DPY19L4: variants seen among roughly 807,000 people sequenced by gnomAD.
DPY19L4 encodes probable C-mannosyltransferase DPY19L4.
A neutral mutation model predicts 102.8 loss-of-function variants in DPY19L4; 97 were observed. The observed-to-expected ratio is 0.94, with a 90% confidence interval of 0.80 to 1.12. The LOEUF (loss-of-function observed/expected upper bound fraction) is 1.12. Ranked by LOEUF, DPY19L4 falls within the 50% of genes most tolerant of loss-of-function variation. DPY19L4 has a pLI of 0.00. For missense variants in DPY19L4, 815 were observed against 850.4 expected, an observed-to-expected ratio of 0.96 and a Z score of 0.52; for synonymous variants, 252 against 283.1, an observed-to-expected ratio of 0.89 and a Z score of 1.10.
chr8:94,720,151 C>G (rs1810393459), intron 1 of DPY19L4, 137 bp downstream of exon 1: 4 of 1,376,850 alleles, frequency 2.9e-6, no homozygotes, highest in East Asian at 3.1e-5. Context: ...CGGGAAGGAG[C>G]GCGGCGCCCA....
intron 6 of DPY19L4, among the ~76,000 whole-genome samples, chr8:94,751,859 A>G (rs1013180022): frequency 6.6e-6 from 1 of 152,168 alleles, no homozygotes; most frequent in Non-Finnish European, 1.5e-5. Flanking sequence ...GTCATACAGC[A>G]TATACTTTTT....
At chr8:94,763,855 G>C (rs908434215) in intron 8 of DPY19L4, among the ~76,000 whole-genome samples, 1 of 152,044 alleles carries the variant, frequency 6.6e-6, no homozygotes, top group African/African-American at 2.4e-5. Context: ...TTTTCACAGA[G>C]ATGGGGTTTT....
intron 7 of DPY19L4, among the ~76,000 whole-genome samples, chr8:94,761,314 CA>C (rs1183375529): frequency 2.0e-5 from 3 of 152,182 alleles, no homozygotes; most frequent in Non-Finnish European, 2.9e-5. Context: ...ATTTTCACAG[CA>C]AAAGGAGTTG....
chr8:94,730,574 C>T (rs1810901595), intron 2 of DPY19L4, among the ~76,000 whole-genome samples: 3 of 151,358 alleles, frequency 2.0e-5, no homozygotes, highest in East Asian at 4.0e-4. Flanking sequence ...GGATAAACTC[C>T]ATCTGTACTC....
intron 10 of DPY19L4, among the ~76,000 whole-genome samples, chr8:94,766,383 A>G (rs934986568): frequency 1.3e-5 from 2 of 152,260 alleles, no homozygotes; most frequent in African/African-American, 4.8e-5. Context: ...CTCAAAAAAA[A>G]AGAAAAAAGA....
chr8:94,782,483 G>A (rs1007266243), intron 16 of DPY19L4, among the ~76,000 whole-genome samples: 10 of 152,024 alleles, frequency 6.6e-5, no homozygotes, highest in Non-Finnish European at 7.4e-5. Flanking sequence ...ATGACCATAG[G>A]GAGAGGAATT....
chr8:94,758,659 T>TAATG (rs1328034026), intron 7 of DPY19L4, among the ~76,000 whole-genome samples: 1 of 152,204 alleles, frequency 6.6e-6, no homozygotes, highest in Non-Finnish European at 1.5e-5. Context: ...CTCAGCCTAA[T>TAATG]AATGCCCTTG....
At chr8:94,766,898 A>C (rs1186726659) in intron 11 of DPY19L4, among the ~76,000 whole-genome samples, 1 of 151,716 alleles carries the variant, frequency 6.6e-6, no homozygotes, top group Non-Finnish European at 1.5e-5. Context: ...ACAACCAAAC[A>C]AACAAACAAA....
intron 3 of DPY19L4, among the ~76,000 whole-genome samples, chr8:94,737,397 A>G (rs1811230539): frequency 6.6e-6 from 1 of 151,928 alleles, no homozygotes; most frequent in Non-Finnish European, 1.5e-5. Context: ...GCTGGTCTCA[A>G]ACTCCTGACC....
chr8:94,769,511 T>C (rs569462064), intron 12 of DPY19L4, among the ~76,000 whole-genome samples: 15 of 152,332 alleles, frequency 9.8e-5, no homozygotes, highest in Non-Finnish European at 2.1e-4. Context: ...AAGAATAATT[T>C]CTTCTATTTA....
At position 94,774,039 on chromosome 8, in the gene DPY19L4, TAAAA is replaced by T. The variant is rs79751438; in HGVS notation, c.1454+3489_1454+3492del. Among the ~76,000 whole-genome samples the T allele has an allele frequency of 4.7e-4, 48 of 102,786 alleles. 2 individuals are homozygous for T. In the East Asian group the frequency reaches 0.011, roughly 24 times the overall value. The allele number at this position is 102,786 out of a possible 152,430, so 67.4% of individuals were successfully genotyped here. On this transcript the variant is annotated intron_variant, in intron 13 of 18. Coordinates refer to ENST00000414645, the MANE Select transcript of DPY19L4 (RefSeq NM_181787.3). Reference sequence around the variant, plus strand: ...GACAGAGTGAGGCTGTGTCTTTAGTTAAAAAAAAAAAAAAAAAAAAAAAAGACAG... The same window carrying T: ...GACAGAGTGAGGCTGTGTCTTTAGTTAAAAAAAAAAAAAAAAAAAAGACAG...
intron 17 of DPY19L4, among the ~76,000 whole-genome samples, chr8:94,784,824 T>G (rs898120038): frequency 1.3e-5 from 2 of 152,226 alleles, no homozygotes; most frequent in African/African-American, 4.8e-5. Flanking sequence ...TATAAAACAC[T>G]AATTTATTTT....
At chr8:94,737,634 T>G (rs1811243442) in intron 3 of DPY19L4, among the ~76,000 whole-genome samples, 1 of 150,612 alleles carries the variant, frequency 6.6e-6, no homozygotes, top group Non-Finnish European at 1.5e-5. Flanking sequence ...ACACAAAAAA[T>G]TAGCCGGGCG....
intron 3 of DPY19L4, among the ~76,000 whole-genome samples, chr8:94,736,691 G>A (rs754091831): frequency 1.4e-4 from 21 of 152,150 alleles, no homozygotes; most frequent in Non-Finnish European, 2.6e-4. Context: ...TAGCCTGATT[G>A]TAGGAATTTT....
rs1563601470 is a variant in DPY19L4 at position 94,764,728 on chromosome 8, T to TTTTTTTTTTTC, written c.871-445_871-444insCTTTTTTTTTT. Among the ~76,000 whole-genome samples the TTTTTTTTTTTC allele has an allele frequency of 1.2e-3, 119 of 97,494 alleles. 8 individuals carry two copies. The highest frequency in any genetic ancestry group is 5.5e-3 in the African/African-American group (119 of 21,648). 64.0% of individuals were successfully genotyped at this position (97,494 alleles called of 152,430 possible). A position where few individuals can be genotyped will look rare whatever the true frequency, so the allele number is the denominator to read the frequency against. On this transcript the variant is annotated intron_variant, in intron 8 of 18. Coordinates refer to ENST00000414645, the MANE Select transcript of DPY19L4 (RefSeq NM_181787.3). ...ATATATATATATATATTTTTTTTTT[T>TTTTTTTTTTTC]TTTTTTTTTTTTTTGTCCTGAGACA...
chr8:94,749,761 C>T (rs1227698298), intron 6 of DPY19L4, among the ~76,000 whole-genome samples: 1 of 152,204 alleles, frequency 6.6e-6, no homozygotes, highest in Non-Finnish European at 1.5e-5. Flanking sequence ...GAATGATAAA[C>T]CCTTTATGGA....
intron 2 of DPY19L4, among the ~76,000 whole-genome samples, 165 bp from the exon 3 acceptor site, chr8:94,734,465 A>G (rs1586320938): frequency 6.6e-6 from 1 of 152,134 alleles, no homozygotes; most frequent in Non-Finnish European, 1.5e-5. Flanking sequence ...TGAGAGATAT[A>G]TTTATAGGAT....
Position 94,739,745 on chromosome 8 carries a change from C to T in DPY19L4, c.566C>T (p.Thr189Ile), listed in dbSNP as rs772745322. 3.1e-6 allele frequency: 5 copies of T among 1,612,994 alleles called. No homozygotes were observed. The South Asian group carries it at 4.4e-5, about 14-fold the overall frequency. ...LFVTSWLMSG[T>I]WLAGMLTVAW... ...GTTACAAGTTGGCTTATGAGTGGAACATGGCTAGCAGGAATGCTTACTGTT... is the reference window on the plus strand; with the variant it reads ...GTTACAAGTTGGCTTATGAGTGGAATATGGCTAGCAGGAATGCTTACTGTT... The change falls in exon 6 of 19, where the codon ACA (threonine) becomes ATA (isoleucine). Residue 189 changes from threonine (T) to isoleucine (I), a missense_variant. By Grantham distance (89) the Thr-to-Ile change is moderately conservative (BLOSUM62 -1). Transcript: ENST00000414645.
chr8:94,745,548 C>T (rs1193468935), intron 6 of DPY19L4, among the ~76,000 whole-genome samples: 1 of 152,034 alleles, frequency 6.6e-6, no homozygotes, highest in Non-Finnish European at 1.5e-5. Flanking sequence ...GTACATGTCC[C>T]AGAGATACAA....
Sources: allele counts gnomAD v4.1 joint callset (sites outside exome capture counted in the v4.1 genomes callset), GRCh38; gene constraint gnomAD v4.1.1; transcripts MANE v1.5; gene names NCBI Gene and HGNC (gene_info 2026-07-23, HGNC 2026-07-21).